Variants in DYRK1A observed in about 807,000 individuals in gnomAD.
The protein encoded by DYRK1A is dual specificity tyrosine phosphorylation regulated kinase 1A.
A neutral mutation model predicts 79.7 loss-of-function variants in DYRK1A; 9 were observed. The ratio of observed to expected loss-of-function variants is 0.11; its 90% CI spans 0.07 to 0.20. The LOEUF (loss-of-function observed/expected upper bound fraction) is 0.20, where lower values mean the gene tolerates loss of function less well. DYRK1A is among the 10% of genes least tolerant of loss of function. The pLI is 1.00. For synonymous variants in DYRK1A, 349 were observed against 329.7 expected (o/e 1.06, Z -0.63); for missense variants, 622 against 956.0 (o/e 0.65, Z 4.61).
chr21:37,389,718 C>T (rs546446215), intron 1 of DYRK1A, among the ~76,000 whole-genome samples: 2 of 152,010 alleles, frequency 1.3e-5, no homozygotes, highest in East Asian at 1.9e-4. Flanking sequence ...GAGGCTTGTT[C>T]GCTGGAGGCT....
At chr21:37,508,946 C>T (rs1040658641) in intron 11 of DYRK1A, among the ~76,000 whole-genome samples, 1 of 152,212 alleles carries the variant, frequency 6.6e-6, no homozygotes, top group African/African-American at 2.4e-5. Flanking sequence ...CAGATCTATT[C>T]CATACCGCAA....
chr21:37,394,972 T>G (rs1340519126), intron 1 of DYRK1A, among the ~76,000 whole-genome samples: 2 of 152,260 alleles, frequency 1.3e-5, no homozygotes. Context: ...CACCTGTGGT[T>G]GTCCTTTGTA....
At chr21:37,447,427 C>T (rs2051309474) in intron 2 of DYRK1A, among the ~76,000 whole-genome samples, 1 of 152,120 alleles carries the variant, frequency 6.6e-6, no homozygotes, top group Non-Finnish European at 1.5e-5. Flanking sequence ...CTTGCTGCCA[C>T]TCAAGCCTTT....
chr21:37,464,365 T>C, intron 2 of DYRK1A: 1 of 437,636 alleles, frequency 2.3e-6, no homozygotes, highest in East Asian at 6.3e-5. Context: ...TGCTTCATTT[T>C]TCTTTTAGTA....
chr21:37,474,683 GC>G (rs1474848252), intron 3 of DYRK1A, among the ~76,000 whole-genome samples: 1 of 152,216 alleles, frequency 6.6e-6, no homozygotes, highest in Admixed American at 6.5e-5. Flanking sequence ...GTACCTTTTA[GC>G]TGTAAACTTA....
intron 2 of DYRK1A, among the ~76,000 whole-genome samples, chr21:37,471,581 A>C (rs1052794502): frequency 1.3e-5 from 2 of 152,228 alleles, no homozygotes; most frequent in African/African-American, 4.8e-5. Context: ...CTAAACCTTC[A>C]TAACAACCTT....
chr21:37,366,365 G>A (rs1268626064), upstream of DYRK1A, among the ~76,000 whole-genome samples: 2 of 144,688 alleles, frequency 1.4e-5, no homozygotes, highest in Non-Finnish European at 3.1e-5. Context: ...GGGCGGCGGC[G>A]CGGGAGGCCG....
chr21:37,387,245 A>G (rs2049778247), intron 1 of DYRK1A, among the ~76,000 whole-genome samples: 2 of 152,230 alleles, frequency 1.3e-5, no homozygotes, highest in Non-Finnish European at 2.9e-5. Flanking sequence ...CCTATTTAAC[A>G]TTAAGCCACC....
intron 2 of DYRK1A, among the ~76,000 whole-genome samples, chr21:37,465,838 G>GA (rs953600203): frequency 1.2e-3 from 168 of 145,954 alleles, no homozygotes; most frequent in Non-Finnish European, 2.2e-3. Context: ...CTCTGTCTCA[G>GA]AAAAAAAAAA....
chr21:37,488,669 AG>A (rs1409017773), intron 6 of DYRK1A: 99 of 985,280 alleles, frequency 1.0e-4, no homozygotes, highest in Non-Finnish European at 1.1e-4. Flanking sequence ...GTAGATACTA[AG>A]TAAATGAATA....
In DYRK1A at chr21:37,524,989, C is replaced by G. The variant is rs1436317298; in HGVS notation, c.*12458C>G. ...TGGCATGCACTGGTAATTCCAGCTA[C>G]TCAGGAGGCTGAGGCAGGAGAATCG... On this transcript the variant is annotated 3_prime_UTR_variant, in exon 12 of 12. Coordinates refer to ENST00000647188, the MANE Select transcript of DYRK1A (RefSeq NM_001347721.2). 1 of 152,354 alleles carries G rather than the reference C, an allele frequency of 6.6e-6. No homozygotes were observed. The highest frequency in any genetic ancestry group is 2.4e-5 in the African/African-American group (1 of 41,454). 9.4% of individuals were successfully genotyped at this position (152,354 alleles called of 1,614,324 possible). A position where few individuals can be genotyped will look rare whatever the true frequency, so the allele number is the denominator to read the frequency against.
chr21:37,380,084 T>C (rs2049626092), intron 1 of DYRK1A, among the ~76,000 whole-genome samples: 1 of 152,248 alleles, frequency 6.6e-6, no homozygotes, highest in Non-Finnish European at 1.5e-5. Flanking sequence ...ATGTTGCTTT[T>C]TGAAGGTCAA....
intron 3 of DYRK1A, among the ~76,000 whole-genome samples, chr21:37,475,536 A>T (rs565935692): frequency 6.6e-6 from 1 of 152,362 alleles, no homozygotes; most frequent in Non-Finnish European, 1.5e-5. Context: ...TGAAATCACA[A>T]TGAAAGCATA....
chr21:37,434,396 A>G (rs897920285), intron 2 of DYRK1A, among the ~76,000 whole-genome samples: 15 of 152,276 alleles, frequency 9.9e-5, no homozygotes, highest in African/African-American at 3.6e-4. Context: ...ACAAATGGGA[A>G]CTGTGTCTCC....
At chr21:37,497,477 C>T (rs1273407895) in intron 9 of DYRK1A, among the ~76,000 whole-genome samples, 5 of 152,096 alleles carry the variant, frequency 3.3e-5, no homozygotes, top group Non-Finnish European at 7.4e-5. Context: ...GCCCATTTTC[C>T]ATGTAACCAA....
intron 9 of DYRK1A, among the ~76,000 whole-genome samples, chr21:37,497,824 G>T (rs1193496983): frequency 1.3e-5 from 2 of 152,066 alleles, no homozygotes; most frequent in Non-Finnish European, 2.9e-5. Context: ...TTTTAAAATT[G>T]GAAGTGGATA....
chr21:37,408,256 T>C (rs2050184069), intron 1 of DYRK1A, among the ~76,000 whole-genome samples: 1 of 152,200 alleles, frequency 6.6e-6, no homozygotes, highest in South Asian at 2.1e-4. Context: ...ACTTATTTTG[T>C]GGTTTGAAGA....
At chr21:37,457,729 A>G (rs951094969) in intron 2 of DYRK1A, among the ~76,000 whole-genome samples, 106 of 152,358 alleles carry the variant, frequency 7.0e-4, no homozygotes, top group Admixed American at 3.1e-3. Flanking sequence ...AGACTTAAAA[A>G]TATCTTGTAT....
chr21:37,403,333 A>G (rs547313145), intron 1 of DYRK1A, among the ~76,000 whole-genome samples: 1 of 152,256 alleles, frequency 6.6e-6, no homozygotes, highest in Admixed American at 6.5e-5. Context: ...CTGCTTTAAA[A>G]TCTTTGCTGC....
Sources: allele counts gnomAD v4.1 joint callset (sites outside exome capture counted in the v4.1 genomes callset), GRCh38; gene constraint gnomAD v4.1.1; transcripts MANE v1.5; gene names NCBI Gene and HGNC (gene_info 2026-07-23, HGNC 2026-07-21).